GRIK2: variants seen among roughly 807,000 people sequenced by gnomAD.
The protein encoded by GRIK2 is glutamate ionotropic receptor kainate type subunit 2.
A neutral mutation model predicts 100.3 loss-of-function variants in GRIK2; 32 were observed. The ratio of observed to expected loss-of-function variants is 0.32; its 90% CI spans 0.24 to 0.43. The LOEUF is 0.43. Ranked by LOEUF, GRIK2 falls within the 20% of genes least tolerant of loss-of-function variation. The probability of loss-of-function intolerance (pLI) is 1.00; values close to 1 mark genes in which losing one functional copy is unlikely to be tolerated. For synonymous variants in GRIK2, 417 were observed against 389.4 expected, an observed-to-expected ratio of 1.07 and a Z score of -0.83; for missense variants, 843 against 1,114.9, an observed-to-expected ratio of 0.76 and a Z score of 3.47.
chr6:101,444,280 A>T (rs1309860781), intron 2 of GRIK2, among the ~76,000 whole-genome samples: 1 of 151,948 alleles, frequency 6.6e-6, no homozygotes, highest in African/African-American at 2.4e-5. Context: ...AATTTTTCCT[A>T]TATGCTGAGA....
chr6:101,546,148 T>C (rs1213325722), intron 2 of GRIK2, among the ~76,000 whole-genome samples: 3 of 152,182 alleles, frequency 2.0e-5, no homozygotes, highest in Admixed American at 1.3e-4. Flanking sequence ...TTCTACTCTA[T>C]AGGCAAGAGT....
chr6:101,679,269 G>T (rs1048801004), intron 5 of GRIK2, among the ~76,000 whole-genome samples: 1 of 152,170 alleles, frequency 6.6e-6, no homozygotes, highest in Non-Finnish European at 1.5e-5. Context: ...CCCTCATATT[G>T]TTGACCTTGA....
intron 2 of GRIK2, among the ~76,000 whole-genome samples, chr6:101,588,664 A>ACACGCACACACACG (rs1395802902): frequency 6.8e-6 from 1 of 146,216 alleles, no homozygotes; most frequent in East Asian, 1.9e-4. Flanking sequence ...ACACACACGC[A>ACACGCACACACACG]CACGCACACA....
intron 2 of GRIK2, among the ~76,000 whole-genome samples, chr6:101,414,663 G>A (rs1776034948): frequency 6.6e-6 from 1 of 152,156 alleles, no homozygotes; most frequent in African/African-American, 2.4e-5. Flanking sequence ...CTAAAAGGAT[G>A]CTGTAGTGAT....
chr6:101,882,258 ATAT>A (rs1347609241), intron 11 of GRIK2, among the ~76,000 whole-genome samples: 2 of 152,144 alleles, frequency 1.3e-5, no homozygotes, highest in African/African-American at 2.4e-5. Flanking sequence ...TTCCATGGAA[ATAT>A]TATAATAATT....
intron 2 of GRIK2, among the ~76,000 whole-genome samples, chr6:101,587,156 CA>C (rs1267061158): frequency 7.3e-5 from 11 of 151,448 alleles, no homozygotes; most frequent in Non-Finnish European, 2.9e-5. Flanking sequence ...AATGAACAGG[CA>C]AAGTTGAAAA....
chr6:101,509,527 T>G lies in GRIK2; in HGVS notation c.115+110135T>G, dbSNP rs148338847. 1.6e-4 allele frequency among the ~76,000 whole-genome samples: 24 copies of G among 152,292 alleles called. 1 individual carries two copies. The East Asian group carries it at 2.1e-3, about 13-fold the overall frequency. ...GTGCTGCCATCTTCTTATCCTGAAT[T>G]GAAAGCTTAGGAAGAAATTGTGGAG... On this transcript the variant is annotated intron_variant, in intron 2 of 16. Coordinates refer to ENST00000369134, the MANE Select transcript of GRIK2 (RefSeq NM_021956.5).
At position 101,626,533 on chromosome 6, in the gene GRIK2, A is replaced by G; in HGVS notation, c.437A>G (p.Tyr146Cys). Residue 146 changes from tyrosine to cysteine, a missense_variant, in exon 4 of 17, where the codon TAT becomes TGT. Tyr to Cys is a radical substitution (Grantham distance 194, BLOSUM62 -2). Transcript: ENST00000369134. ...HQVSDNKDSF[Y>C]VSLYPDFSSL... ...GTGTCAGACAACAAAGATTCCTTCT[A>G]TGTCAGTCTCTACCCAGACTTCTCT... The G allele has an allele frequency of 6.2e-7, 1 of 1,613,808 alleles. No homozygotes were observed. The highest frequency in any genetic ancestry group is 8.5e-7 in the Non-Finnish European group (1 of 1,179,754).
At chr6:102,034,607 A>G (rs981920625) in intron 14 of GRIK2, among the ~76,000 whole-genome samples, 42 of 151,416 alleles carry the variant, frequency 2.8e-4, no homozygotes, top group African/African-American at 9.9e-4. Context: ...TTTTAGTAAT[A>G]AAATTCTAGT....
At chr6:101,805,073 A>G (rs1450246681) in intron 9 of GRIK2, among the ~76,000 whole-genome samples, 1 of 151,912 alleles carries the variant, frequency 6.6e-6, no homozygotes, top group Admixed American at 6.6e-5. Context: ...TCATGAGGCA[A>G]CAGCAGTTAT....
intron 14 of GRIK2, among the ~76,000 whole-genome samples, chr6:102,017,489 G>GT (rs1158189876): frequency 1.3e-5 from 2 of 152,176 alleles, no homozygotes; most frequent in South Asian, 2.1e-4. Context: ...CCTAGGTATA[G>GT]TTTTTTTGTT....
chr6:101,574,297 G>A (rs1325275627), intron 2 of GRIK2, among the ~76,000 whole-genome samples: 1 of 146,306 alleles, frequency 6.8e-6, no homozygotes, highest in Non-Finnish European at 1.5e-5. Context: ...TATATACACT[G>A]TATATATTTA....
rs769707609 is a variant in GRIK2 at position 101,889,813 on chromosome 6, T to C, written c.1698T>C (p.Tyr566=). 2.5e-6 allele frequency: 4 copies of C among 1,613,600 alleles called. No homozygotes were observed. The highest frequency in any genetic ancestry group is 3.3e-5 in the Admixed American group (2 of 59,984). The stretch of plus-strand genomic sequence containing the variant: ...CTCTCTCCCCTGATATCTGGATGTA[T>C]ATTCTGCTGGCTTACTTGGGTGTCA... ...LNPLSPDIWM[Y]ILLAYLGVSC... is the part of the protein sequence containing the mutation. Residue 566 remains tyrosine (Y), a synonymous_variant, in exon 12 of 17, where the codon TAT becomes TAC. Transcript: ENST00000369134.
chr6:101,755,016 G>C (rs1421263171), intron 7 of GRIK2, among the ~76,000 whole-genome samples: 1 of 152,082 alleles, frequency 6.6e-6, no homozygotes, highest in Admixed American at 6.6e-5. Flanking sequence ...AATTAACTCT[G>C]CTTGAATTGT....
chr6:101,595,149 A>C (rs1297322523), intron 2 of GRIK2, among the ~76,000 whole-genome samples: 1 of 151,768 alleles, frequency 6.6e-6, no homozygotes, highest in African/African-American at 2.4e-5. Flanking sequence ...TCAGTCAAAA[A>C]CATGAAAACC....
At chr6:101,553,020 CA>C (rs1334376898) in intron 2 of GRIK2, among the ~76,000 whole-genome samples, 2 of 152,130 alleles carry the variant, frequency 1.3e-5, no homozygotes, top group Non-Finnish European at 2.9e-5. Flanking sequence ...AAAGTTACCC[CA>C]GTGAATATTT....
intron 14 of GRIK2, among the ~76,000 whole-genome samples, chr6:101,942,156 T>C (rs922989172): frequency 6.6e-6 from 1 of 152,168 alleles, no homozygotes; most frequent in African/African-American, 2.4e-5. Context: ...TTTTCCTTGA[T>C]GTGATTTGGC....
intron 14 of GRIK2, among the ~76,000 whole-genome samples, chr6:101,963,647 C>A (rs538515017): frequency 6.6e-6 from 1 of 151,384 alleles, no homozygotes; most frequent in Non-Finnish European, 1.5e-5. Flanking sequence ...CCACCGCGCC[C>A]GGCCACTTAT....
At chr6:101,807,654 C>A (rs1331998652) in intron 9 of GRIK2, among the ~76,000 whole-genome samples, 1 of 151,682 alleles carries the variant, frequency 6.6e-6, no homozygotes, top group African/African-American at 2.4e-5. Context: ...AAGCAGGGCA[C>A]CTAGATAATG....
Sources: gnomAD v4.1 joint callset for allele counts (sites outside exome capture counted in the v4.1 genomes callset) on GRCh38, gnomAD v4.1.1 for gene constraint, MANE v1.5 for transcripts, NCBI Gene and HGNC (gene_info 2026-07-23, HGNC 2026-07-21) for gene names.